Variants in FURIN observed in about 807,000 individuals in gnomAD.
FURIN encodes the protein furin, paired basic amino acid cleaving enzyme.
A neutral mutation model predicts 89.2 loss-of-function variants in FURIN; 18 were observed. The observed-to-expected ratio is 0.20, with a 90% CI of 0.14 to 0.30. The LOEUF (loss-of-function observed/expected upper bound fraction) is 0.30, where lower values mean the gene tolerates loss of function less well. Among genes scored for constraint, FURIN ranks in the 10% least tolerant of loss-of-function variants. The probability of loss-of-function intolerance (pLI) is 1.00; values close to 1 mark genes in which losing one functional copy is unlikely to be tolerated. For synonymous variants in FURIN, 508 were observed against 466.4 expected, an observed-to-expected ratio of 1.09 and a Z score of -1.15; for missense variants, 879 against 1,100.5, an observed-to-expected ratio of 0.80 and a Z score of 2.85.
chr15:90,877,213 T>G lies in FURIN; in HGVS notation c.578+2T>G. On this transcript the variant is annotated splice_donor_variant, in intron 6 of 15. Transcript: ENST00000268171. LOFTEE classifies it high-confidence loss of function. ...GTACACACAGATGAATGACAACAGGTAAGAAGTGGCAGGCCCCGGTCTCTG... is the reference window on the plus strand; with the variant it reads ...GTACACACAGATGAATGACAACAGGGAAGAAGTGGCAGGCCCCGGTCTCTG... The G allele has an allele frequency of 6.2e-7, 1 of 1,602,704 alleles. No individual in the cohort carries two copies. The highest frequency in any genetic ancestry group is 8.5e-7 in the Non-Finnish European group (1 of 1,173,652).
chr15:90,881,063 C>A lies in FURIN; in HGVS notation c.1792+23C>A. ...TGGGTCAGTAGTGGGTGCTGTTGGGCTTTGGGGGCCTGAGTCTGGGGGTAA... is the reference window on the plus strand; with the variant it reads ...TGGGTCAGTAGTGGGTGCTGTTGGGATTTGGGGGCCTGAGTCTGGGGGTAA... On this transcript the variant is annotated intron_variant, in intron 15 of 15. Coordinates refer to ENST00000268171, the MANE Select transcript of FURIN (RefSeq NM_002569.4). This position sits in a 1 kb window ranked among gnomAD's most constrained non-coding sequence, Gnocchi z 4.3. The A allele has an allele frequency of 6.5e-7, 1 of 1,537,738 alleles. No individual in the cohort carries two copies. The highest frequency in any genetic ancestry group is 9.0e-7 in the Non-Finnish European group (1 of 1,110,434).
rs1028811947 is a variant in FURIN at position 90,882,139 on chromosome 15, C to T, written c.*261C>T. ...GTGAAACCTTTAGGGCAGCTTGCCC[C>T]GGCCCCGGCCCCAGCCAGAGTTCCT... On this transcript the variant is annotated 3_prime_UTR_variant, in exon 16 of 16. Transcript: ENST00000268171. The T allele has an allele frequency of 3.5e-5, 16 of 453,228 alleles. No individual in the cohort carries two copies. The highest frequency in any genetic ancestry group is 1.1e-4 in the South Asian group (4 of 37,662). The allele number at this position is 453,228 out of a possible 1,614,324, so 28.1% of individuals were successfully genotyped here. A position where few individuals can be genotyped will look rare whatever the true frequency, so the allele number is the denominator to read the frequency against.
In FURIN at chr15:90,876,471, C is replaced by G. The variant is rs746896275; in HGVS notation, c.286C>G (p.Leu96Val). Residue 96 changes from leucine to valine, a missense_variant, in exon 4 of 16, where the codon CTG becomes GTG. Physicochemically the swap from Leu to Val is conservative, Grantham distance 32 (BLOSUM62 1). This residue lies in a region of FURIN where 125 missense variants were observed against 125.0 expected (regional missense o/e 1.00). Coordinates refer to ENST00000268171, the MANE Select transcript of FURIN (RefSeq NM_002569.4). The surrounding 1 kb of genome is among the most constrained non-coding windows in gnomAD (Gnocchi z 5.0). ...RLQREPQVQW[L>V]EQQVAKRRTK... ...CCTCACTCCCCCACAGGTACAGTGG[C>G]TGGAACAGCAGGTGGCAAAGCGACG... 5 of 1,612,852 alleles carry G rather than the reference C, an allele frequency of 3.1e-6. No homozygotes were observed. In the South Asian group the frequency reaches 3.3e-5, roughly 11 times the overall value.
intron 8 of FURIN, 130 bp from the exon 9 acceptor site, chr15:90,878,634 A>T: frequency 1.6e-6 from 1 of 621,654 alleles, no homozygotes; most frequent in Non-Finnish European, 2.8e-6. Context: ...TTGATCCACC[A>T]GGGATCTCAC....
At position 90,882,146 on chromosome 15, in the gene FURIN, G is replaced by C. The variant is rs545455100; in HGVS notation, c.*268G>C. 1 of 447,774 alleles carries C rather than the reference G, an allele frequency of 2.2e-6. No individual in the cohort carries two copies. The highest frequency in any genetic ancestry group is 4.0e-6 in the Non-Finnish European group (1 of 249,510). The allele number at this position is 447,774 out of a possible 1,614,324, so 27.7% of individuals were successfully genotyped here. A position where few individuals can be genotyped will look rare whatever the true frequency, so the allele number is the denominator to read the frequency against. ...CTTTAGGGCAGCTTGCCCCGGCCCC[G>C]GCCCCAGCCAGAGTTCCTGCGGAGT... On this transcript the variant is annotated 3_prime_UTR_variant, in exon 16 of 16. Transcript: ENST00000268171.
At position 90,880,421 on chromosome 15, in the gene FURIN, G is replaced by A. The variant is rs559374607; in HGVS notation, c.1556+148G>A. The A allele has an allele frequency of 2.1e-4, 150 of 722,838 alleles. No homozygotes were observed. In the African/African-American group the frequency reaches 2.3e-3, roughly 11 times the overall value. The allele number at this position is 722,838 out of a possible 1,614,324, so 44.8% of individuals were successfully genotyped here. A position where few individuals can be genotyped will look rare whatever the true frequency, so the allele number is the denominator to read the frequency against. On this transcript the variant is annotated intron_variant, in intron 13 of 15. Transcript: ENST00000268171. The stretch of plus-strand genomic sequence containing the variant: ...ATTTTGGGAGGGACAATTTTGTCCT[G>A]TGGGACTGTCCCATGTTGCAGGAAT...
chr15:90,881,062 G>GC lies in FURIN; in HGVS notation c.1792+23dup, dbSNP rs748079569. On this transcript the variant is annotated intron_variant, in intron 15 of 15. Coordinates refer to ENST00000268171, the MANE Select transcript of FURIN (RefSeq NM_002569.4). This position sits in a 1 kb window ranked among gnomAD's most constrained non-coding sequence, Gnocchi z 4.3. ...GTGGGTCAGTAGTGGGTGCTGTTGG[G>GC]CTTTGGGGGCCTGAGTCTGGGGGTA... The GC allele has an allele frequency of 6.5e-7, 1 of 1,545,314 alleles. No homozygotes were observed. The highest frequency in any genetic ancestry group is 1.1e-5 in the South Asian group (1 of 89,766).
chr15:90,880,749 T>C lies in FURIN; in HGVS notation c.1615T>C (p.Trp539Arg), dbSNP rs777727512. The C allele has an allele frequency of 1.9e-6, 3 of 1,613,908 alleles. No individual in the cohort carries two copies. Among genetic ancestry groups the C allele is most frequent in the Non-Finnish European group, 2.5e-6 (3 of 1,179,948 alleles). ...CTGGGCCTTCATGACAACTCATTCC[T>C]GGGATGAGGATCCCTCTGGCGAGTG... ...NDWAFMTTHS[W>R]DEDPSGEWVL... Residue 539 changes from tryptophan to arginine, a missense_variant, in exon 14 of 16, where the codon TGG becomes CGG. Physicochemically the swap from Trp to Arg is moderately radical, Grantham distance 101. Transcript: ENST00000268171.
intron 13 of FURIN, 89 bp from the exon 14 acceptor site, chr15:90,880,602 A>G: frequency 6.3e-6 from 9 of 1,424,542 alleles, no homozygotes; most frequent in Non-Finnish European, 8.6e-6. Flanking sequence ...TGCGTGGGGG[A>G]AGGGTGTGTG....
intron 9 of FURIN, 142 bp from the exon 10 acceptor site, chr15:90,879,302 C>G: frequency 1.5e-6 from 1 of 671,252 alleles, no homozygotes; most frequent in Non-Finnish European, 2.6e-6. Flanking sequence ...AGCAAGGCAG[C>G]AGCTGGGACC....
chr15:90,877,565 C>T lies in FURIN; in HGVS notation c.617C>T (p.Ala206Val). ...TGTGCGGGGGAAGTGGCTGCGGTGG[C>T]CAACAACGGTGTCTGTGGTGTAGGT... is the stretch of plus-strand genomic sequence containing the variant. The part of the protein sequence containing the change: ...TRCAGEVAAV[A>V]NNGVCGVGVA... Residue 206 changes from alanine to valine, a missense_variant, in exon 7 of 16, where the codon GCC becomes GTC. Around this residue, in one of 5 missense-constraint regions of FURIN, gnomAD observed 139 missense variants for 215.0 expected, o/e 0.65. Coordinates refer to ENST00000268171, the MANE Select transcript of FURIN (RefSeq NM_002569.4). 6.3e-7 allele frequency: 1 copy of T among 1,579,262 alleles called. No individual in the cohort carries two copies. Among genetic ancestry groups the T allele is most frequent in the Non-Finnish European group, 8.6e-7 (1 of 1,162,728 alleles).
rs2031598898 is a variant in FURIN, at chr15:90,876,025, G to A, written c.177+108G>A. The A allele has an allele frequency of 2.9e-6, 3 of 1,019,858 alleles. No homozygotes were observed. The highest frequency in any genetic ancestry group is 2.8e-6 in the Non-Finnish European group (2 of 705,992). The allele number at this position is 1,019,858 out of a possible 1,614,324, so 63.2% of individuals were successfully genotyped here. ...TTGCTCAGGGGCATCTGGGTAGCCGGCATGTTCTGGGTGGCCATGAGCAAA... is the reference window on the plus strand; with the variant it reads ...TTGCTCAGGGGCATCTGGGTAGCCGACATGTTCTGGGTGGCCATGAGCAAA... On this transcript the variant is annotated intron_variant, in intron 2 of 15. Transcript: ENST00000268171. This position sits in a 1 kb window ranked among gnomAD's most constrained non-coding sequence, Gnocchi z 5.0.
chr15:90,879,598 G>A, intron 10 of FURIN, 54 bp downstream of exon 10: 3 of 1,562,098 alleles, frequency 1.9e-6, no homozygotes, highest in Non-Finnish European at 2.6e-6. Flanking sequence ...TCTCTGTAGG[G>A]CAGCCCTTAG....
chr15:90,878,939 C>T lies in FURIN; in HGVS notation c.1016C>T (p.Thr339Met), dbSNP rs1176003081. Residue 339 changes from threonine to methionine, a missense_variant, in exon 9 of 16, where the codon ACG becomes ATG. Around this residue, in one of 5 missense-constraint regions of FURIN, gnomAD observed 156 missense variants for 243.7 expected, o/e 0.64. Transcript: ENST00000268171. ...GAGGCCTGCTCGTCCACACTGGCCA[C>T]GACCTACAGCAGTGGCAACCAGAAT... is the stretch of plus-strand genomic sequence containing the variant. ...YSEACSSTLATTYSSGNQNEK... is the reference protein window; with the variant it reads ...YSEACSSTLAMTYSSGNQNEK... The T allele has an allele frequency of 3.1e-6, 5 of 1,610,386 alleles. No individual in the cohort carries two copies. The highest frequency in any genetic ancestry group is 3.4e-6 in the Non-Finnish European group (4 of 1,178,986).
intron 1 of FURIN, among the ~76,000 whole-genome samples, chr15:90,874,658 T>C (rs1037391239): frequency 6.6e-5 from 10 of 152,232 alleles, no homozygotes; most frequent in African/African-American, 2.4e-4. Context: ...TAGGAAACCC[T>C]AGTGAGTTGT....
At chr15:90,879,375 G>GGGT in intron 9 of FURIN, 69 bp from the exon 10 acceptor site, 1 of 1,126,288 alleles carries the variant, frequency 8.9e-7, no homozygotes, top group Admixed American at 1.7e-5. Flanking sequence ...TGCAGAGGGA[G>GGGT]GGTAGGCAGG....
intron 1 of FURIN, among the ~76,000 whole-genome samples, chr15:90,870,906 A>G (rs924403920): frequency 2.0e-5 from 3 of 152,168 alleles, no homozygotes; most frequent in Non-Finnish European, 4.4e-5. Context: ...CATAAGAAGG[A>G]GATAATGTAA....
chr15:90,874,197 G>A (rs2031477428), intron 1 of FURIN, among the ~76,000 whole-genome samples: 1 of 152,248 alleles, frequency 6.6e-6, no homozygotes, highest in Non-Finnish European at 1.5e-5. Flanking sequence ...GGCACTATGT[G>A]GGGACAGTTA....
chr15:90,876,680 G>A lies in FURIN; in HGVS notation c.372+123G>A. 1 of 828,190 alleles carries A rather than the reference G, an allele frequency of 1.2e-6. No individual in the cohort carries two copies. Among genetic ancestry groups the A allele is most frequent in the Non-Finnish European group, 2.0e-6 (1 of 495,602 alleles). The allele number at this position is 828,190 out of a possible 1,614,324, so 51.3% of individuals were successfully genotyped here. ...TGATTCGTTTCCTTTCCTCCTGCTG[G>A]GCAGTCTCTCCTTGGCCCATCCTAA... On this transcript the variant is annotated intron_variant, in intron 4 of 15. Coordinates refer to ENST00000268171, the MANE Select transcript of FURIN (RefSeq NM_002569.4). This position sits in a 1 kb window ranked among gnomAD's most constrained non-coding sequence, Gnocchi z 5.0.
Sources: gnomAD v4.1 joint callset for allele counts (sites outside exome capture counted in the v4.1 genomes callset) on GRCh38, gnomAD v4.1.1 for gene constraint, gnomAD v4.1.1 regional missense constraint, Gnocchi (gnomAD v3.1) non-coding constraint, MANE v1.5 for transcripts, NCBI Gene and HGNC (gene_info 2026-07-23, HGNC 2026-07-21) for gene names.